The following N4BP2 variants were observed in gnomAD, a reference collection of about 807,000 sequenced individuals.
The protein encoded by N4BP2 is NEDD4-binding protein 2.
In N4BP2, 91 loss-of-function variants were observed where a neutral mutation model predicts 152.8. The observed-to-expected ratio is 0.60, with a 90% CI of 0.50 to 0.71. The LOEUF is 0.71. N4BP2 is among the 30% of genes least tolerant of loss of function. The probability of loss-of-function intolerance (pLI) is 0.00; values close to 1 mark genes in which losing one functional copy is unlikely to be tolerated. For synonymous variants in N4BP2, 646 were observed against 705.3 expected (o/e 0.92, Z 1.33); for missense variants, 1,923 against 2,059.1 (o/e 0.93, Z 1.28).
chr4:40,086,463 G>A (rs540456155), intron 2 of N4BP2, among the ~76,000 whole-genome samples: 15 of 151,704 alleles, frequency 9.9e-5, no homozygotes, highest in Middle Eastern at 3.4e-3. Context: ...TCAGCCTCCC[G>A]AGTACCTGGG....
intron 5 of N4BP2, among the ~76,000 whole-genome samples, chr4:40,107,702 A>C (rs1241229960): frequency 6.6e-6 from 1 of 152,198 alleles, no homozygotes; most frequent in Non-Finnish European, 1.5e-5. Flanking sequence ...TATAGTATAT[A>C]TAAAATTTTA....
At chr4:40,077,525 C>T (rs1712875969) in intron 2 of N4BP2, among the ~76,000 whole-genome samples, 1 of 149,512 alleles carries the variant, frequency 6.7e-6, no homozygotes, top group South Asian at 2.1e-4. Context: ...GCGATCTTGG[C>T]TCACTGCAAC....
intron 3 of N4BP2, among the ~76,000 whole-genome samples, chr4:40,098,744 T>C (rs1715332088): frequency 6.6e-6 from 1 of 152,220 alleles, no homozygotes; most frequent in Non-Finnish European, 1.5e-5. Flanking sequence ...AAAATGTAAT[T>C]GTTGCATATA....
chr4:40,172,034 G>A, the N4BP2 span, among the ~76,000 whole-genome samples: 1 of 152,122 alleles, frequency 6.6e-6, no homozygotes, highest in East Asian at 1.9e-4. Flanking sequence ...AGCCTCCTCA[G>A]TAGCTGGGAT....
Position 40,120,055 on chromosome 4 carries a change from GA to G in N4BP2, c.1946del (p.Asn649MetfsTer10), listed in dbSNP as rs767305307. On this transcript the variant is annotated frameshift_variant, in exon 9 of 18. Transcript: ENST00000261435. LOFTEE classifies it high-confidence loss of function. ...DVTKETMLPE[N>X]VAYLSNADLN... ...TAACCAAAGAAACAATGTTACCTGA[GA>G]ATGTTGCATATCTCTCTAATGCAGA... 3.7e-6 allele frequency: 6 copies of G among 1,609,612 alleles called. No individual in the cohort carries two copies. Among genetic ancestry groups the G allele is most frequent in the Non-Finnish European group, 5.1e-6 (6 of 1,176,326 alleles).
At chr4:40,169,212 G>A in the N4BP2 span, among the ~76,000 whole-genome samples, 3 of 151,606 alleles carry the variant, frequency 2.0e-5, no homozygotes, top group Admixed American at 6.6e-5. Context: ...GAGAAACCCC[G>A]CCTTTACTAA....
rs1408009654 is a variant in N4BP2, at chr4:40,147,733, G to A, written c.5143+2933G>A. 8.6e-5 allele frequency among the ~76,000 whole-genome samples: 13 copies of A among 151,732 alleles called. No individual in the cohort carries two copies. In the East Asian group the frequency reaches 1.6e-3, roughly 18 times the overall value. On this transcript the variant is annotated intron_variant, in intron 16 of 17. Transcript: ENST00000261435. The stretch of plus-strand genomic sequence containing the variant: ...GGCGGCTGGCCCTCACTTCCCAGAC[G>A]GGGTGGCTGCCGGGCGGAGGGGCTT...
At chr4:40,075,124 T>A (rs1305148089) in intron 2 of N4BP2, among the ~76,000 whole-genome samples, 1 of 152,158 alleles carries the variant, frequency 6.6e-6, no homozygotes, top group Admixed American at 6.6e-5. Flanking sequence ...CTATGCATAG[T>A]ACCATTTTGG....
intron 2 of N4BP2, among the ~76,000 whole-genome samples, chr4:40,094,031 C>T (rs1477581611): frequency 6.6e-6 from 1 of 152,162 alleles, no homozygotes; most frequent in Admixed American, 6.5e-5. Context: ...AGGCGTGAGC[C>T]ACCACACCTG....
the N4BP2 span, chr4:40,166,699 C>CA: frequency 6.8e-6 from 1 of 146,344 alleles, no homozygotes; most frequent in African/African-American, 2.7e-5. Flanking sequence ...AAAAAAAAAA[C>CA]AAACAAACAA....
intron 4 of N4BP2, among the ~76,000 whole-genome samples, chr4:40,103,478 T>TGTA (rs769649608): frequency 6.6e-6 from 1 of 152,104 alleles, no homozygotes; most frequent in Non-Finnish European, 1.5e-5. Context: ...GAGCTATTGA[T>TGTA]GTAGTAGTAG....
In N4BP2 at chr4:40,121,619, G is replaced by C; in HGVS notation, c.3508G>C (p.Glu1170Gln). 3 of 1,614,126 alleles carry C rather than the reference G, an allele frequency of 1.9e-6. No individual in the cohort carries two copies. The highest frequency in any genetic ancestry group is 2.5e-6 in the Non-Finnish European group (3 of 1,180,000). Residue 1170 changes from glutamate (E) to glutamine (Q), a missense_variant, in exon 9 of 18, where the codon GAG (glutamate) becomes CAG (glutamine). By Grantham distance (29) the Glu-to-Gln change is conservative (BLOSUM62 2). Transcript: ENST00000261435. ...AATTATTAGCCAAAGAGGAACTTTAGAGAATTCTAATTCTCCTGTGCCAGA... is the reference window on the plus strand; with the variant it reads ...AATTATTAGCCAAAGAGGAACTTTACAGAATTCTAATTCTCCTGTGCCAGA... Reference protein sequence around the residue: ...KEIISQRGTLENSNSPVPEFS... With the variant: ...KEIISQRGTLQNSNSPVPEFS...
intron 3 of N4BP2, chr4:40,099,990 C>G: frequency 2.3e-6 from 1 of 437,568 alleles, no homozygotes; most frequent in South Asian, 1.6e-5. Context: ...TAATTGGTCT[C>G]TGCCAGGCTT....
chr4:40,112,279 A>G (rs553281829), intron 6 of N4BP2, 107 bp downstream of exon 6: 3 of 703,042 alleles, frequency 4.3e-6, no homozygotes, highest in African/African-American at 1.9e-5. Context: ...AGAACCTTGG[A>G]TAGTCTGTAA....
the N4BP2 span, among the ~76,000 whole-genome samples, chr4:40,188,065 T>G: frequency 1.3e-5 from 2 of 152,230 alleles, no homozygotes; most frequent in Non-Finnish European, 2.9e-5. Flanking sequence ...AGAAAATGTT[T>G]CTTCTTTTTT....
At chr4:40,178,969 C>T in the N4BP2 span, among the ~76,000 whole-genome samples, 1 of 151,744 alleles carries the variant, frequency 6.6e-6, no homozygotes, top group Non-Finnish European at 1.5e-5. Flanking sequence ...TTGTGGTTGC[C>T]GATTTTTCAT....
At chr4:40,059,218 A>G (rs950642840) in intron 1 of N4BP2, among the ~76,000 whole-genome samples, 1 of 151,054 alleles carries the variant, frequency 6.6e-6, no homozygotes, top group African/African-American at 2.5e-5. Context: ...AGCAGCAACC[A>G]TTTATTAGTT....
At chr4:40,148,640 A>T (rs55956320) in intron 16 of N4BP2, among the ~76,000 whole-genome samples, 44,726 of 152,068 alleles carry the variant, frequency 0.29, 6,862 homozygotes, top group South Asian at 0.48. Flanking sequence ...CTTTTAAAAA[A>T]TTTTTAATTA....
At chr4:40,080,269 G>A (rs1291911695) in intron 2 of N4BP2, among the ~76,000 whole-genome samples, 1 of 150,888 alleles carries the variant, frequency 6.6e-6, no homozygotes, top group Non-Finnish European at 1.5e-5. Context: ...GAGATAAACT[G>A]GATTATAAGT....
Sources: allele counts gnomAD v4.1 joint callset (sites outside exome capture counted in the v4.1 genomes callset), GRCh38; gene constraint gnomAD v4.1.1; transcripts MANE v1.5; gene names NCBI Gene and HGNC (gene_info 2026-07-23, HGNC 2026-07-21).